Variants in NUP210L observed in about 807,000 individuals in gnomAD.
NUP210L encodes the protein nucleoporin 210 like, also known as nuclear pore membrane glycoprotein 210-like.
NUP210L carries 74 observed loss-of-function variants against 208.5 expected under a neutral mutation model. The ratio of observed to expected loss-of-function variants is 0.35; its 90% CI spans 0.29 to 0.43. The LOEUF (loss-of-function observed/expected upper bound fraction) is 0.43, where lower values mean the gene tolerates loss of function less well. NUP210L is among the 20% of genes least tolerant of loss of function. The pLI, the probability that NUP210L is intolerant of heterozygous loss-of-function variation, is 1.00. For missense variants in NUP210L, 1,843 were observed against 2,289.4 expected, an observed-to-expected ratio of 0.81 and a Z score of 3.98; for synonymous variants, 780 against 816.9, an observed-to-expected ratio of 0.95 and a Z score of 0.77.
At chr1:154,015,676 C>T (rs6679907) in intron 33 of NUP210L, among the ~76,000 whole-genome samples, 3 of 151,220 alleles carry the variant, frequency 2.0e-5, no homozygotes, top group South Asian at 2.1e-4. Flanking sequence ...GCTGAGATTC[C>T]GCCACTACAT....
chr1:153,994,977 A>C (rs576834670), intron 38 of NUP210L, 99 bp downstream of exon 38: 2 of 708,046 alleles, frequency 2.8e-6, no homozygotes, highest in East Asian at 5.8e-5. Context: ...GCGCCACTGC[A>C]CTCCAGCGTG....
intron 16 of NUP210L, among the ~76,000 whole-genome samples, chr1:154,073,857 TAAA>T (rs1654902217): frequency 6.6e-6 from 1 of 151,008 alleles, no homozygotes; most frequent in Non-Finnish European, 1.5e-5. Flanking sequence ...AATAAATAAA[TAAA>T]TTCAATGGTA....
intron 23 of NUP210L, among the ~76,000 whole-genome samples, chr1:154,056,042 G>C (rs1037762332): frequency 2.6e-5 from 4 of 152,202 alleles, no homozygotes; most frequent in African/African-American, 7.2e-5. Context: ...CTGGGCAACA[G>C]AGCGAGACTC....
intron 12 of NUP210L, among the ~76,000 whole-genome samples, chr1:154,108,838 C>T (rs577309802): frequency 4.6e-5 from 7 of 151,860 alleles, no homozygotes; most frequent in South Asian, 2.1e-4. Flanking sequence ...CAGTGGCTCA[C>T]GCCTATAATC....
intron 32 of NUP210L, among the ~76,000 whole-genome samples, chr1:154,020,084 A>G (rs1294693108): frequency 1.3e-5 from 2 of 152,192 alleles, no homozygotes; most frequent in Non-Finnish European, 2.9e-5. Flanking sequence ...TTGTTTGCAA[A>G]TCAGCTGTTA....
chr1:154,152,928 GTGGAACA>G, intron 1 of NUP210L, 56 bp from the exon 2 acceptor site: 1 of 1,499,462 alleles, frequency 6.7e-7, no homozygotes, highest in Non-Finnish European at 9.3e-7. Context: ...TTAACTTTTA[GTGGAACA>G]TAGATTCTCA....
intron 16 of NUP210L, among the ~76,000 whole-genome samples, chr1:154,071,217 C>T (rs1591902): frequency 0.58 from 87,348 of 151,538 alleles, 26,116 homozygotes; most frequent in East Asian, 0.95. Context: ...CCAATTCAGT[C>T]GCCTGAGTAG....
At chr1:154,048,168 C>T (rs983886274) in intron 25 of NUP210L, among the ~76,000 whole-genome samples, 1 of 152,162 alleles carries the variant, frequency 6.6e-6, no homozygotes, top group African/African-American at 2.4e-5. Flanking sequence ...TACCCTTCTG[C>T]ACCCCCTCCT....
chr1:154,082,678 C>T (rs1181452953), intron 16 of NUP210L, among the ~76,000 whole-genome samples: 1 of 152,194 alleles, frequency 6.6e-6, no homozygotes, highest in African/African-American at 2.4e-5. Context: ...TTGGTTCCTT[C>T]TGGTAGGTTC....
At chr1:154,087,889 T>A (rs1341907011) in intron 16 of NUP210L, among the ~76,000 whole-genome samples, 1 of 152,110 alleles carries the variant, frequency 6.6e-6, no homozygotes, top group Non-Finnish European at 1.5e-5. Context: ...GGCAAATCCA[T>A]AGAGACAGAA....
At chr1:154,155,111 A>G (rs554016819) in exon 1 of NUP210L, 29 of 1,153,378 alleles carry the variant, frequency 2.5e-5, no homozygotes, top group Middle Eastern at 2.0e-4. Flanking sequence ...GCCAATCCAC[A>G]GGCGTGACGT....
At position 154,066,382 on chromosome 1, in the gene NUP210L, C is replaced by T. The variant is rs531641642; in HGVS notation, c.2554+3891G>A. On this transcript the variant is annotated intron_variant, in intron 17 of 39. Transcript: ENST00000368559. ...AATCCCAGCACTTTGGAGGCCGAGG[C>T]GGGCGGATCACCAAGTCAGGAGATT... Among the ~76,000 whole-genome samples, 12 of 152,256 alleles carry T rather than the reference C, an allele frequency of 7.9e-5. 1 individual carries two copies. The highest frequency in any genetic ancestry group is 2.1e-4 in the South Asian group (1 of 4,826).
rs536563587 is a variant in NUP210L at position 154,118,556 on chromosome 1, C to T, written c.1464+115G>A. ...TATAATTTTGGTTGTCACCAAAACC[C>T]AAGTTATACTTTTAGGATTGGGAGG... is the stretch of plus-strand genomic sequence containing the variant. On this transcript the variant is annotated intron_variant, in intron 11 of 39. Transcript: ENST00000368559. 192 of 807,122 alleles carry T rather than the reference C, an allele frequency of 2.4e-4. 1 individual carries two copies. The African/African-American group carries it at 3.1e-3, about 13-fold the overall frequency. The allele number at this position is 807,122 out of a possible 1,614,324, so 50.0% of individuals were successfully genotyped here. A position where few individuals can be genotyped will look rare whatever the true frequency, so the allele number is the denominator to read the frequency against.
At chr1:153,992,780 G>A (rs979265804) in exon 40 of NUP210L, 56 of 1,181,724 alleles carry the variant, frequency 4.7e-5, no homozygotes, top group African/African-American at 3.4e-4. Context: ...GCTTCTTGTC[G>A]AGGACTAGAA....
intron 16 of NUP210L, among the ~76,000 whole-genome samples, chr1:154,084,583 A>T (rs995385163): frequency 6.6e-6 from 1 of 151,742 alleles, no homozygotes; most frequent in East Asian, 1.9e-4. Flanking sequence ...ATTTTTAAAA[A>T]ATTTTTGTCT....
chr1:154,069,864 T>C (rs999906167), intron 17 of NUP210L, among the ~76,000 whole-genome samples: 1 of 152,158 alleles, frequency 6.6e-6, no homozygotes, highest in Non-Finnish European at 1.5e-5. Context: ...TGGAATACTA[T>C]GGAGCCATAA....
chr1:154,057,690 ATGTGTGTGTGTGTGTGTGTG>A (rs4060104), intron 22 of NUP210L, among the ~76,000 whole-genome samples: 3 of 125,422 alleles, frequency 2.4e-5, no homozygotes, highest in African/African-American at 5.9e-5. Flanking sequence ...AGGACCTCGA[ATGTGTGTGTGTGTGTGTGTG>A]TGTGTGTGTG....
intron 17 of NUP210L, among the ~76,000 whole-genome samples, chr1:154,066,612 A>G (rs1435105058): frequency 6.6e-6 from 1 of 152,210 alleles, no homozygotes; most frequent in Non-Finnish European, 1.5e-5. Context: ...CTCCGTCTCA[A>G]AAAAACAAAC....
intron 10 of NUP210L, among the ~76,000 whole-genome samples, chr1:154,119,293 G>C (rs1206729666): frequency 6.6e-6 from 1 of 152,066 alleles, no homozygotes; most frequent in South Asian, 2.1e-4. Context: ...TTTGTGTAAG[G>C]TTCTACAGGG....
Sources: gnomAD v4.1 joint callset for allele counts (sites outside exome capture counted in the v4.1 genomes callset) on GRCh38, gnomAD v4.1.1 for gene constraint, MANE v1.5 for transcripts, NCBI Gene and HGNC (gene_info 2026-07-23, HGNC 2026-07-21) for gene names.